The following CSMD1 variants were observed in gnomAD, a reference collection of about 807,000 sequenced individuals.
CSMD1 encodes the protein CUB and Sushi multiple domains 1.
A neutral mutation model predicts 417.5 loss-of-function variants in CSMD1; 213 were observed. The observed-to-expected ratio is 0.51, with a 90% CI of 0.46 to 0.57. CSMD1 has a LOEUF of 0.57. Ranked by LOEUF, CSMD1 falls within the 20% of genes least tolerant of loss-of-function variation. The pLI is 0.00. For synonymous variants in CSMD1, 2,862 were observed against 1,736.8 expected (o/e 1.65, Z -16.11); for missense variants, 6,923 against 4,529.7 (o/e 1.53, Z -15.17).
At chr8:4,956,575 TA>T (rs1585404645) in intron 1 of CSMD1, among the ~76,000 whole-genome samples, 1 of 150,348 alleles carries the variant, frequency 6.7e-6, no homozygotes, top group Non-Finnish European at 1.5e-5. Flanking sequence ...ATATTTAAAA[TA>T]CATGTGTATA....
intron 3 of CSMD1, among the ~76,000 whole-genome samples, chr8:4,067,927 A>C (rs1033775152): frequency 2.0e-5 from 3 of 152,056 alleles, no homozygotes; most frequent in Non-Finnish European, 4.4e-5. Context: ...AAATGCAAAA[A>C]TTAACTGGGC....
rs1487133890 is a variant in CSMD1, at chr8:3,907,400, TC to T, written c.818+90502del. On this transcript the variant is annotated intron_variant, in intron 5 of 69. Transcript: ENST00000635120. ...AATTATCTAAATGGGGTAATTTAGGTCTTTTATTATGTATTCCCCTTAGAAT... is the reference window on the plus strand; with the variant it reads ...AATTATCTAAATGGGGTAATTTAGGTTTTTATTATGTATTCCCCTTAGAAT... Among the ~76,000 whole-genome samples, 43 of 152,270 alleles carry T rather than the reference TC, an allele frequency of 2.8e-4. 1 individual carries two copies. The highest frequency in any genetic ancestry group is 2.8e-3 in the Admixed American group (43 of 15,290).
chr8:3,178,711 C>T (rs1416233738), intron 37 of CSMD1, among the ~76,000 whole-genome samples: 1 of 152,046 alleles, frequency 6.6e-6, no homozygotes, highest in East Asian at 1.9e-4. Context: ...AGAGCAAGAC[C>T]TGGCATAGAG....
At chr8:4,437,061 A>T (rs1452106444) in intron 2 of CSMD1, among the ~76,000 whole-genome samples, 1 of 152,150 alleles carries the variant, frequency 6.6e-6, no homozygotes, top group Non-Finnish European at 1.5e-5. Flanking sequence ...AGGTAATTTA[A>T]TGGGACAGGC....
intron 5 of CSMD1, among the ~76,000 whole-genome samples, chr8:3,820,160 T>C (rs1486830968): frequency 6.6e-6 from 1 of 152,176 alleles, no homozygotes. Flanking sequence ...TTGAATGCCT[T>C]GCACAAAGTG....
At chr8:4,950,546 G>C (rs550396254) in intron 1 of CSMD1, among the ~76,000 whole-genome samples, 82 of 152,210 alleles carry the variant, frequency 5.4e-4, no homozygotes, top group African/African-American at 1.9e-3. Flanking sequence ...GTTGTTTTTA[G>C]TAAAGCAACT....
rs555711314 is a variant in CSMD1 at position 4,070,031 on chromosome 8, A to C, written c.416-37932T>G. Among the ~76,000 whole-genome samples the C allele has an allele frequency of 5.9e-5, 9 of 152,122 alleles. No homozygotes were observed. The East Asian group carries it at 1.7e-3, about 29-fold the overall frequency. On this transcript the variant is annotated intron_variant, in intron 3 of 69. Coordinates refer to ENST00000635120, the MANE Select transcript of CSMD1 (RefSeq NM_033225.6). ...ATGTTCTTAAGAATTTTTTTTAATT[A>C]ACTTATTGGTGTTTTAACTATACTT...
chr8:3,204,736 G>C (rs189887226), intron 31 of CSMD1, among the ~76,000 whole-genome samples: 1 of 152,308 alleles, frequency 6.6e-6, no homozygotes, highest in East Asian at 1.9e-4. Context: ...TGCAGAGTGA[G>C]TGCTGTCTCA....
rs147860725 is a variant in CSMD1, at chr8:4,349,050, A to T, written c.415+70903T>A. Among the ~76,000 whole-genome samples the T allele has an allele frequency of 2.5e-4, 38 of 152,348 alleles. No homozygotes were observed. In the East Asian group the frequency reaches 6.6e-3, roughly 26 times the overall value. The stretch of plus-strand genomic sequence containing the variant: ...CGAAATCTTACATTCTTGCTAATTT[A>T]GTTAGAAATTATTAACATGACTCAT... On this transcript the variant is annotated intron_variant, in intron 3 of 69. Transcript: ENST00000635120.
At chr8:4,327,696 T>G (rs1403339854) in intron 3 of CSMD1, among the ~76,000 whole-genome samples, 2 of 152,148 alleles carry the variant, frequency 1.3e-5, no homozygotes, top group Non-Finnish European at 2.9e-5. Context: ...TGTTTACACA[T>G]AGGTATTAGA....
chr8:4,958,981 G>C (rs1809300839), intron 1 of CSMD1, among the ~76,000 whole-genome samples: 1 of 152,082 alleles, frequency 6.6e-6, no homozygotes, highest in Non-Finnish European at 1.5e-5. Context: ...TTAAAAACAA[G>C]AAACGTGAAA....
intron 3 of CSMD1, among the ~76,000 whole-genome samples, chr8:4,093,965 AATAGATAG>A (rs201105711): frequency 0.018 from 2,483 of 136,928 alleles, 103 homozygotes; most frequent in Admixed American, 0.11. Flanking sequence ...CTACATCTCA[AATAGATAG>A]ATAGATAGAT....
At chr8:4,280,425 G>T (rs368143322) in intron 3 of CSMD1, among the ~76,000 whole-genome samples, 1 of 152,122 alleles carries the variant, frequency 6.6e-6, no homozygotes, top group South Asian at 2.1e-4. Context: ...TTTTAGTACC[G>T]AAATGTGCGA....
At chr8:4,953,856 A>G (rs557212561) in intron 1 of CSMD1, among the ~76,000 whole-genome samples, 15 of 152,266 alleles carry the variant, frequency 9.9e-5, no homozygotes, top group Non-Finnish European at 1.6e-4. Flanking sequence ...GTTCAAATGC[A>G]GGTTGCAGGA....
intron 1 of CSMD1, among the ~76,000 whole-genome samples, chr8:4,934,206 A>G (rs942823066): frequency 6.6e-6 from 1 of 152,142 alleles, no homozygotes; most frequent in African/African-American, 2.4e-5. Context: ...TCAGAAGCAA[A>G]GCTCCTCCAA....
intron 1 of CSMD1, among the ~76,000 whole-genome samples, chr8:4,708,548 G>C (rs917934725): frequency 2.0e-5 from 3 of 152,174 alleles, no homozygotes; most frequent in Admixed American, 6.5e-5. Context: ...TTAAAGGAAG[G>C]TGATTGCCAG....
intron 2 of CSMD1, among the ~76,000 whole-genome samples, chr8:4,550,331 A>ACACACACACACACG (rs1797815884): frequency 2.6e-5 from 2 of 76,300 alleles, no homozygotes; most frequent in East Asian, 7.8e-4. Flanking sequence ...ACACACACGC[A>ACACACACACACACG]CACACACACA....
chr8:4,909,382 T>C (rs1355145186), intron 1 of CSMD1, among the ~76,000 whole-genome samples: 1 of 152,172 alleles, frequency 6.6e-6, no homozygotes, highest in African/African-American at 2.4e-5. Flanking sequence ...TTTATTTCCT[T>C]GAAGCCATGA....
At chr8:4,271,893 A>T (rs1245116136) in intron 3 of CSMD1, among the ~76,000 whole-genome samples, 1 of 152,154 alleles carries the variant, frequency 6.6e-6, no homozygotes, top group Admixed American at 6.5e-5. Flanking sequence ...CTTGGTGTCC[A>T]CAGGGGATTG....
Sources: gnomAD v4.1 joint callset for allele counts (sites outside exome capture counted in the v4.1 genomes callset) on GRCh38, gnomAD v4.1.1 for gene constraint, MANE v1.5 for transcripts, NCBI Gene and HGNC (gene_info 2026-07-23, HGNC 2026-07-21) for gene names.